Variants in LRRC43 observed in about 807,000 individuals in gnomAD.
LRRC43 encodes leucine rich repeat containing 43, also known as leucine-rich repeat-containing protein 43.
In LRRC43, 62 loss-of-function variants were observed where a neutral mutation model predicts 64.3. The observed-to-expected ratio is 0.96, with a 90% CI of 0.79 to 1.19. LRRC43 has a LOEUF of 1.19. Ranked by LOEUF, LRRC43 falls within the 50% of genes most tolerant of loss-of-function variation. The probability of loss-of-function intolerance (pLI) is 0.00; values close to 1 mark genes in which losing one functional copy is unlikely to be tolerated. For missense variants in LRRC43, 868 were observed against 845.0 expected, an observed-to-expected ratio of 1.03 and a Z score of -0.34; for synonymous variants, 422 against 382.3, an observed-to-expected ratio of 1.10 and a Z score of -1.21.
At chr12:122,191,115 C>T (rs1274031795) in intron 5 of LRRC43, among the ~76,000 whole-genome samples, 1 of 152,162 alleles carries the variant, frequency 6.6e-6, no homozygotes, top group Non-Finnish European at 1.5e-5. Context: ...CTGTGACGTG[C>T]TAGATAATGC....
At chr12:122,174,911 G>A (rs923842165) in intron 1 of LRRC43, among the ~76,000 whole-genome samples, 2 of 149,872 alleles carry the variant, frequency 1.3e-5, no homozygotes, top group Admixed American at 1.3e-4. Flanking sequence ...CGTGATCACT[G>A]CAACCTCTGT....
intron 4 of LRRC43, among the ~76,000 whole-genome samples, chr12:122,188,185 C>T (rs1953669218): frequency 6.6e-6 from 1 of 152,148 alleles, no homozygotes; most frequent in Non-Finnish European, 1.5e-5. Context: ...CTGCTCATTG[C>T]AAGCTCCGCC....
chr12:122,180,557 T>G (rs1953573261), upstream of LRRC43, among the ~76,000 whole-genome samples: 1 of 152,008 alleles, frequency 6.6e-6, no homozygotes, highest in African/African-American at 2.4e-5. Context: ...TATAGACCAC[T>G]GTGTCAAGAA....
chr12:122,172,845 A>G, intron 1 of LRRC43: 1 of 868,432 alleles, frequency 1.2e-6, no homozygotes, highest in Non-Finnish European at 1.8e-6. Context: ...TCGTTGATAT[A>G]TTTATCTGAT....
chr12:122,193,045 G>A (rs1480352101), intron 7 of LRRC43, 41 bp downstream of exon 7: 1 of 1,602,244 alleles, frequency 6.2e-7, no homozygotes. Flanking sequence ...GGTCAGAGCA[G>A]TAGGGTCACG....
In LRRC43 at chr12:122,184,315, C is replaced by G. The variant is rs990991716; in HGVS notation, c.151-204C>G. Among the ~76,000 whole-genome samples, 1 of 152,214 alleles carries G rather than the reference C, an allele frequency of 6.6e-6. No homozygotes were observed. Among genetic ancestry groups the G allele is most frequent in the African/African-American group, 2.4e-5 (1 of 41,538 alleles). On this transcript the variant is annotated intron_variant, in intron 1 of 11. Coordinates refer to ENST00000339777, the MANE Select transcript of LRRC43 (RefSeq NM_001098519.2). This position sits in a 1 kb window ranked among gnomAD's most constrained non-coding sequence, Gnocchi z 4.0. ...TTCACCGTGTTAGCCAGGATGGCCT[C>G]GATCTCTTGACCTCATGATCCGCCT... is the stretch of plus-strand genomic sequence containing the variant.
chr12:122,183,046 G>A, upstream of LRRC43: 2 of 1,451,278 alleles, frequency 1.4e-6, no homozygotes, highest in Non-Finnish European at 1.8e-6. Context: ...TGTCTGATCC[G>A]GATGGGGGAC....
chr12:122,200,735 C>A lies in LRRC43; in HGVS notation c.1621-11C>A, dbSNP rs780068231. 6.2e-7 allele frequency: 1 copy of A among 1,612,900 alleles called. No homozygotes were observed. The highest frequency in any genetic ancestry group is 1.1e-5 in the South Asian group (1 of 91,070). ...AACTTGTCCCACCCTCCTGTCCTCC[C>A]GTCGTCGCAGGAGTGGAAGGTGCTG... On this transcript the variant is annotated splice_polypyrimidine_tract_variant and intron_variant, in intron 9 of 11. Transcript: ENST00000339777. This position sits in a 1 kb window ranked among gnomAD's most constrained non-coding sequence, Gnocchi z 4.6.
upstream of LRRC43, among the ~76,000 whole-genome samples, chr12:122,179,386 G>A (rs1953563242): frequency 6.6e-6 from 1 of 152,182 alleles, no homozygotes; most frequent in South Asian, 2.1e-4. Flanking sequence ...GACTGTAGGT[G>A]CAAGCCACGT....
intron 1 of LRRC43, among the ~76,000 whole-genome samples, chr12:122,176,653 G>C (rs968182817): frequency 6.6e-6 from 1 of 150,990 alleles, no homozygotes; most frequent in African/African-American, 2.4e-5. Context: ...ATTAGTAGTA[G>C]TAGCATTTTT....
At chr12:122,201,104 G>A (rs560186283) in intron 10 of LRRC43, among the ~76,000 whole-genome samples, 170 bp downstream of exon 10, 1 of 152,214 alleles carries the variant, frequency 6.6e-6, no homozygotes, top group African/African-American at 2.4e-5. Context: ...CCTGCACAGA[G>A]GGCGCCTCCG....
intron 7 of LRRC43, among the ~76,000 whole-genome samples, chr12:122,193,216 T>G (rs1054976233): frequency 1.3e-4 from 20 of 151,380 alleles, no homozygotes; most frequent in African/African-American, 4.9e-4. Flanking sequence ...CCGTCTCTAC[T>G]AAAAATACGA....
At chr12:122,178,286 C>T (rs942363452), upstream of LRRC43, among the ~76,000 whole-genome samples, 3 of 152,200 alleles carry the variant, frequency 2.0e-5, no homozygotes, top group African/African-American at 7.2e-5. Context: ...TTGCCAACCA[C>T]TTCCACCTTC....
intron 4 of LRRC43, chr12:122,189,467 T>G: frequency 2.2e-6 from 1 of 456,730 alleles, no homozygotes; most frequent in Non-Finnish European, 4.4e-6. Flanking sequence ...GCTTGTGTTT[T>G]TCTTCTGTTC....
In LRRC43 at chr12:122,184,670, C is replaced by G. The variant is rs767042268; in HGVS notation, c.302C>G (p.Ser101Trp). The change falls in exon 2 of 12, where the codon TCG becomes TGG. Residue 101 changes from serine to tryptophan, a missense_variant. By Grantham distance (177) the Ser-to-Trp change is radical. Transcript: ENST00000339777. The surrounding 1 kb of genome is among the most constrained non-coding windows in gnomAD (Gnocchi z 4.0). ...RHSPWALLNN[S>W]NAEDSFLREL... is the part of the protein sequence containing the mutation. The stretch of plus-strand genomic sequence containing the variant: ...TCCCCCTGGGCTCTGCTGAACAACT[C>G]GAATGCAGAAGACAGTTTCCTGAGA... The G allele has an allele frequency of 3.1e-6, 5 of 1,613,958 alleles. No individual in the cohort carries two copies. The highest frequency in any genetic ancestry group is 2.2e-5 in the East Asian group (1 of 44,876).
intron 4 of LRRC43, 24 bp from the exon 5 acceptor site, chr12:122,190,106 C>G (rs1566009558): frequency 6.3e-7 from 1 of 1,599,846 alleles, no homozygotes; most frequent in Non-Finnish European, 8.6e-7. Context: ...TCTTGACCCC[C>G]AGACGGTCCT....
At chr12:122,191,686 G>A (rs879653201) in intron 6 of LRRC43, 119 bp downstream of exon 6, 24 of 794,040 alleles carry the variant, frequency 3.0e-5, no homozygotes, top group Admixed American at 6.2e-5. Flanking sequence ...GAGGAGTCTC[G>A]CTCTGTCACC....
chr12:122,187,556 A>G, intron 3 of LRRC43, 145 bp from the exon 4 acceptor site: 1 of 603,900 alleles, frequency 1.7e-6, no homozygotes, highest in Non-Finnish European at 2.8e-6. Flanking sequence ...TGGGTTTTTA[A>G]AAGGGAGTCG....
At chr12:122,178,513 AGT>A (rs1010146009), upstream of LRRC43, among the ~76,000 whole-genome samples, 13 of 148,770 alleles carry the variant, frequency 8.7e-5, no homozygotes, top group African/African-American at 2.9e-4. Flanking sequence ...TAATAGTGAT[AGT>A]GGAGATGAAG....
Sources: gnomAD v4.1 joint callset for allele counts (sites outside exome capture counted in the v4.1 genomes callset) on GRCh38, gnomAD v4.1.1 for gene constraint, Gnocchi (gnomAD v3.1) non-coding constraint, MANE v1.5 for transcripts, NCBI Gene and HGNC (gene_info 2026-07-23, HGNC 2026-07-21) for gene names.